DCDC1: variants seen among roughly 807,000 people sequenced by gnomAD.
The protein encoded by DCDC1 is doublecortin domain-containing protein 1.
A neutral mutation model predicts 178.3 loss-of-function variants in DCDC1; 200 were observed. The ratio of observed to expected loss-of-function variants is 1.12; its 90% CI spans 1.00 to 1.26. The LOEUF is 1.26. Ranked by LOEUF, DCDC1 falls within the 50% of genes most tolerant of loss-of-function variation. The probability of loss-of-function intolerance (pLI) is 0.00; values close to 1 mark genes in which losing one functional copy is unlikely to be tolerated. For missense variants in DCDC1, 1,983 were observed against 1,749.2 expected (o/e 1.13, Z -2.38); for synonymous variants, 690 against 604.8 (o/e 1.14, Z -2.07).
intron 8 of DCDC1, among the ~76,000 whole-genome samples, chr11:31,257,693 A>AACACACACACACACACACAC (rs60535376): frequency 1.4e-5 from 2 of 143,868 alleles, no homozygotes; most frequent in Admixed American, 7.0e-5. Context: ...CAGATAGGAA[A>AACACACACACACACACACAC]ACACACACAC....
chr11:31,252,192 C>T (rs1171281928), intron 8 of DCDC1, among the ~76,000 whole-genome samples: 1 of 152,046 alleles, frequency 6.6e-6, no homozygotes, highest in African/African-American at 2.4e-5. Context: ...CTAATCACAG[C>T]CTAGTCAACA....
chr11:31,309,778 A>G (rs536059301), intron 3 of DCDC1, among the ~76,000 whole-genome samples: 1 of 152,304 alleles, frequency 6.6e-6, no homozygotes, highest in East Asian at 1.9e-4. Flanking sequence ...CCACAAGGCA[A>G]AAGGTTTTTA....
intron 9 of DCDC1, among the ~76,000 whole-genome samples, chr11:31,226,829 A>G (rs1369822736): frequency 6.6e-6 from 1 of 152,042 alleles, no homozygotes. Context: ...AAAACCCATA[A>G]GTATGTGGGT....
At chr11:30,974,411 G>T (rs959350269) in intron 20 of DCDC1, among the ~76,000 whole-genome samples, 22 of 151,564 alleles carry the variant, frequency 1.5e-4, no homozygotes, top group Admixed American at 1.3e-3. Flanking sequence ...ACACATAAAG[G>T]ATAATAAGAA....
chr11:31,139,511 G>A (rs1963566638), intron 9 of DCDC1, among the ~76,000 whole-genome samples: 1 of 151,916 alleles, frequency 6.6e-6, no homozygotes, highest in South Asian at 2.1e-4. Context: ...TAGAAGAGAG[G>A]GACTGGAGAA....
At chr11:30,933,810 T>C (rs1229552193) in intron 21 of DCDC1, among the ~76,000 whole-genome samples, 1 of 152,172 alleles carries the variant, frequency 6.6e-6, no homozygotes, top group East Asian at 1.9e-4. Context: ...CTACCATGCC[T>C]TTCCATTTTC....
At chr11:31,093,131 T>C (rs543512305) in intron 16 of DCDC1, among the ~76,000 whole-genome samples, 5 of 152,330 alleles carry the variant, frequency 3.3e-5, no homozygotes, top group East Asian at 1.9e-4. Flanking sequence ...ATAGTTAACA[T>C]AGACTCCAGC....
intron 9 of DCDC1, among the ~76,000 whole-genome samples, chr11:31,214,416 T>C (rs1035999721): frequency 6.6e-6 from 1 of 152,196 alleles, no homozygotes; most frequent in Non-Finnish European, 1.5e-5. Context: ...TGGTAGAATT[T>C]GATTTTAATT....
At chr11:31,333,302 A>T (rs1437730570) in intron 2 of DCDC1, among the ~76,000 whole-genome samples, 1 of 152,096 alleles carries the variant, frequency 6.6e-6, no homozygotes, top group Non-Finnish European at 1.5e-5. Context: ...GGTCTCCTGA[A>T]TACAGCACTG....
intron 36 of DCDC1, among the ~76,000 whole-genome samples, chr11:30,890,101 C>T (rs944908841): frequency 1.4e-4 from 22 of 152,126 alleles, no homozygotes; most frequent in Admixed American, 1.0e-3. Context: ...AAAAGGGAGG[C>T]CTCACCAGAA....
intron 9 of DCDC1, among the ~76,000 whole-genome samples, chr11:31,216,177 T>C (rs1973533743): frequency 6.6e-6 from 1 of 152,132 alleles, no homozygotes; most frequent in African/African-American, 2.4e-5. Context: ...AGAAAGGGGT[T>C]GCAACTATTA....
chr11:31,277,904 G>GT (rs970468758), intron 7 of DCDC1, among the ~76,000 whole-genome samples: 1 of 151,990 alleles, frequency 6.6e-6, no homozygotes, highest in Non-Finnish European at 1.5e-5. Flanking sequence ...AAGAGCAAAA[G>GT]TTTTTTGATT....
intron 8 of DCDC1, chr11:31,262,960 A>T: frequency 7.2e-7 from 1 of 1,396,100 alleles, no homozygotes; most frequent in Non-Finnish European, 9.9e-7. Context: ...AACAGAGGGC[A>T]AGGCATGCAT....
chr11:31,284,327 C>T (rs957026824), intron 7 of DCDC1, among the ~76,000 whole-genome samples: 2 of 152,070 alleles, frequency 1.3e-5, no homozygotes, highest in African/African-American at 4.8e-5. Flanking sequence ...ATAGTACTAG[C>T]TATTTCACTT....
At chr11:31,347,741 A>G (rs1466534598) in intron 1 of DCDC1, among the ~76,000 whole-genome samples, 2 of 152,190 alleles carry the variant, frequency 1.3e-5, no homozygotes, top group African/African-American at 4.8e-5. Context: ...TGGCCAAGAT[A>G]GAAGGTGCCA....
chr11:31,314,812 C>A (rs775470897), intron 3 of DCDC1, among the ~76,000 whole-genome samples: 14 of 152,194 alleles, frequency 9.2e-5, no homozygotes, highest in Non-Finnish European at 1.8e-4. Context: ...TTCTCTTTTG[C>A]CATATAATGA....
intron 9 of DCDC1, among the ~76,000 whole-genome samples, chr11:31,221,635 G>A (rs903888886): frequency 6.6e-6 from 1 of 152,104 alleles, no homozygotes; most frequent in African/African-American, 2.4e-5. Context: ...GTTCAAACTG[G>A]TAGTATCTCT....
At chr11:31,175,289 T>C (rs1183978367) in intron 9 of DCDC1, among the ~76,000 whole-genome samples, 2 of 152,208 alleles carry the variant, frequency 1.3e-5, no homozygotes, top group Non-Finnish European at 2.9e-5. Flanking sequence ...CCAGTGTTCC[T>C]GGCTGTGCAC....
chr11:30,978,148 C>A (rs574497482), intron 20 of DCDC1, among the ~76,000 whole-genome samples: 1 of 152,278 alleles, frequency 6.6e-6, no homozygotes, highest in South Asian at 2.1e-4. Flanking sequence ...GAAAGAAGTT[C>A]TCTAAAAGTT....
Sources: allele counts gnomAD v4.1 joint callset (sites outside exome capture counted in the v4.1 genomes callset), GRCh38; gene constraint gnomAD v4.1.1; transcripts MANE v1.5; gene names NCBI Gene and HGNC (gene_info 2026-07-23, HGNC 2026-07-21).